The following ODAD2 variants were observed in gnomAD, a reference collection of about 807,000 sequenced individuals.
ODAD2 encodes the protein outer dynein arm docking complex subunit 2.
ODAD2 carries 89 observed loss-of-function variants against 106.8 expected under a neutral mutation model. That is an observed-to-expected ratio of 0.83 (90% CI 0.70 to 0.99). ODAD2 has a LOEUF of 0.99. Ranked by LOEUF, ODAD2 falls within the 50% of genes least tolerant of loss-of-function variation. The probability of loss-of-function intolerance (pLI) is 0.00; values close to 1 mark genes in which losing one functional copy is unlikely to be tolerated. For synonymous variants in ODAD2, 404 were observed against 436.2 expected (o/e 0.93, Z 0.92); for missense variants, 1,168 against 1,238.5 (o/e 0.94, Z 0.85).
At chr10:27,959,022 T>C (rs1191778044) in intron 10 of ODAD2, 3 of 1,300,766 alleles carry the variant, frequency 2.3e-6, no homozygotes, top group East Asian at 1.1e-4. Flanking sequence ...AACTCAGGAC[T>C]CTCTTAATTC....
chr10:27,980,489 T>A (rs1031378228), intron 7 of ODAD2, among the ~76,000 whole-genome samples: 6 of 151,906 alleles, frequency 3.9e-5, no homozygotes, highest in African/African-American at 1.4e-4. Flanking sequence ...ACAAAAAGAT[T>A]CAATTTAAAA....
intron 10 of ODAD2, among the ~76,000 whole-genome samples, chr10:27,955,292 T>A (rs955650911): frequency 6.6e-6 from 1 of 152,188 alleles, no homozygotes; most frequent in Non-Finnish European, 1.5e-5. Context: ...CTTCCAAACA[T>A]GAATACTGAG....
chr10:27,978,291 T>C (rs1310894035), intron 7 of ODAD2, among the ~76,000 whole-genome samples: 1 of 152,032 alleles, frequency 6.6e-6, no homozygotes, highest in Non-Finnish European at 1.5e-5. Context: ...CCTAAAGGCC[T>C]CCAAAGAGGG....
chr10:27,959,746 A>G (rs566205147), intron 10 of ODAD2, among the ~76,000 whole-genome samples: 1 of 152,266 alleles, frequency 6.6e-6, no homozygotes, highest in South Asian at 2.1e-4. Flanking sequence ...TTTCATTTAC[A>G]TGTCTTTAAA....
In ODAD2 at chr10:27,896,021, CCTCT is replaced by C. The variant is rs1842831568; in HGVS notation, c.2610+11638_2610+11641del. Among the ~76,000 whole-genome samples the C allele has an allele frequency of 3.3e-5, 5 of 151,968 alleles. No individual in the cohort carries two copies. In the South Asian group the frequency reaches 1.0e-3, roughly 32 times the overall value. On this transcript the variant is annotated intron_variant, in intron 17 of 19. Coordinates refer to ENST00000305242, the MANE Select transcript of ODAD2 (RefSeq NM_018076.5). ...CTTAAGGAAAGATGCTTTAAATTTC[CCTCT>C]CTCTCATTTCAAGCGTTCACTAGAC...
chr10:27,882,231 A>G (rs1485203969), intron 17 of ODAD2, among the ~76,000 whole-genome samples: 2 of 146,036 alleles, frequency 1.4e-5, no homozygotes, highest in Non-Finnish European at 3.1e-5. Flanking sequence ...GAAAGAAAGA[A>G]AGAAATATGA....
At position 27,987,490 on chromosome 10, in the gene ODAD2, A is replaced by C. The variant is rs1849946828; in HGVS notation, c.278T>G (p.Phe93Cys). The change falls in exon 3 of 20, where the codon TTT becomes TGT. Residue 93 changes from phenylalanine (F) to cysteine (C), a missense_variant. Phe to Cys is a radical substitution (Grantham distance 205). This residue lies in a region of ODAD2 where 430 missense variants were observed against 452.2 expected (regional missense o/e 0.95). Transcript: ENST00000305242. ...EVDKNGQPLLFLSVPQIKIRS... is the reference protein window; with the variant it reads ...EVDKNGQPLLCLSVPQIKIRS... ...AATTTTAATTTGTGGTACAGAGAGAAATAGCAAAGGCTGTCCATTTTTATC... is the reference window on the plus strand; with the variant it reads ...AATTTTAATTTGTGGTACAGAGAGACATAGCAAAGGCTGTCCATTTTTATC... The C allele has an allele frequency of 5.6e-6, 9 of 1,613,616 alleles. 1 individual carries two copies. Among genetic ancestry groups the C allele is most frequent in the African/African-American group, 5.3e-5 (4 of 74,926 alleles).
chr10:27,931,016 C>G (rs1479958265), intron 16 of ODAD2, among the ~76,000 whole-genome samples: 12 of 152,156 alleles, frequency 7.9e-5, no homozygotes, highest in Admixed American at 7.9e-4. Context: ...TGACTTTTCC[C>G]AAGGCTCTAC....
At chr10:27,844,086 T>G (rs941580084) in intron 19 of ODAD2, among the ~76,000 whole-genome samples, 3 of 152,108 alleles carry the variant, frequency 2.0e-5, no homozygotes, top group Non-Finnish European at 4.4e-5. Context: ...CAGTCCCAGC[T>G]ACTGGGGAGG....
chr10:27,872,883 A>T (rs12988313), intron 17 of ODAD2, among the ~76,000 whole-genome samples: 1 of 152,084 alleles, frequency 6.6e-6, no homozygotes. Flanking sequence ...AATGAGTTAG[A>T]GAGGATTCCC....
At chr10:27,830,049 T>C (rs1370891928) in intron 19 of ODAD2, among the ~76,000 whole-genome samples, 4 of 152,230 alleles carry the variant, frequency 2.6e-5, no homozygotes, top group Non-Finnish European at 5.9e-5. Flanking sequence ...ATGGAACGTC[T>C]GAACAGAAAG....
chr10:27,877,888 T>G (rs1841453185), intron 17 of ODAD2, among the ~76,000 whole-genome samples: 1 of 152,194 alleles, frequency 6.6e-6, no homozygotes, highest in Non-Finnish European at 1.5e-5. Flanking sequence ...CAACGTTGTC[T>G]TAAGGGGGCA....
At chr10:27,823,944 T>A (rs1321542617) in intron 19 of ODAD2, among the ~76,000 whole-genome samples, 2 of 142,510 alleles carry the variant, frequency 1.4e-5, no homozygotes, top group Non-Finnish European at 3.0e-5. Context: ...ATCGAGACCA[T>A]CCTGGCTAAC....
At chr10:27,816,836 TC>T (rs367558112) in intron 19 of ODAD2, among the ~76,000 whole-genome samples, 1 of 152,096 alleles carries the variant, frequency 6.6e-6, no homozygotes, top group Non-Finnish European at 1.5e-5. Flanking sequence ...GCAACCTCCG[TC>T]CCCTGGGGTT....
At chr10:27,888,790 CAAAACTATTCAATGGGG>C (rs1842389583) in intron 17 of ODAD2, among the ~76,000 whole-genome samples, 1 of 152,084 alleles carries the variant, frequency 6.6e-6, no homozygotes, top group African/African-American at 2.4e-5. Context: ...ACAAGGGTGT[CAAAACTATTCAATGGGG>C]AAAGTCTTTT....
intron 17 of ODAD2, among the ~76,000 whole-genome samples, chr10:27,863,051 A>G (rs1176274012): frequency 1.3e-5 from 2 of 152,212 alleles, no homozygotes; most frequent in Non-Finnish European, 2.9e-5. Context: ...CTCTGGCTAC[A>G]ACATTTTCAT....
intron 17 of ODAD2, among the ~76,000 whole-genome samples, chr10:27,884,657 C>G (rs768463119): frequency 6.6e-6 from 1 of 152,144 alleles, no homozygotes; most frequent in East Asian, 1.9e-4. Context: ...AGGGTAGATA[C>G]TGTGGCCTAG....
intron 16 of ODAD2, among the ~76,000 whole-genome samples, chr10:27,918,636 T>A (rs991619549): frequency 4.0e-5 from 6 of 151,832 alleles, no homozygotes; most frequent in Non-Finnish European, 8.8e-5. Context: ...CAAGATTAGG[T>A]ACAGAACATA....
chr10:27,961,463 C>T (rs2132849135), intron 10 of ODAD2, 105 bp downstream of exon 10: 1 of 1,142,690 alleles, frequency 8.8e-7, no homozygotes, highest in East Asian at 2.4e-5. Context: ...ATGCTTACTA[C>T]TCTTATTTGA....
Sources: allele counts gnomAD v4.1 joint callset (sites outside exome capture counted in the v4.1 genomes callset), GRCh38; gene constraint gnomAD v4.1.1; regional missense constraint gnomAD v4.1.1; transcripts MANE v1.5; gene names NCBI Gene and HGNC (gene_info 2026-07-23, HGNC 2026-07-21).